The following ASPH variants were observed in gnomAD, a reference collection of about 807,000 sequenced individuals.
The protein encoded by ASPH is aspartyl/asparaginyl beta-hydroxylase.
In ASPH, 100 loss-of-function variants were observed where a neutral mutation model predicts 118.4. The observed-to-expected ratio is 0.84, with a 90% confidence interval of 0.72 to 1.00. ASPH has a LOEUF of 1.00. Ranked by LOEUF, ASPH falls within the 50% of genes least tolerant of loss-of-function variation. The pLI is 0.00. For missense variants in ASPH, 920 were observed against 919.5 expected (o/e 1.00, Z -0.01); for synonymous variants, 315 against 325.6 (o/e 0.97, Z 0.35).
At chr8:61,530,121 C>T (rs1427001034) in intron 21 of ASPH, among the ~76,000 whole-genome samples, 1 of 152,160 alleles carries the variant, frequency 6.6e-6, no homozygotes, top group Non-Finnish European at 1.5e-5. Context: ...TAGGAAATTC[C>T]AACAGAAAAC....
intron 20 of ASPH, among the ~76,000 whole-genome samples, chr8:61,549,431 T>G (rs909358763): frequency 2.0e-5 from 3 of 152,214 alleles, no homozygotes; most frequent in East Asian, 1.9e-4. Context: ...CTTATTCTAC[T>G]CTCCTCCTAT....
chr8:61,615,892 A>G (rs1452404008), intron 14 of ASPH, among the ~76,000 whole-genome samples: 1 of 152,166 alleles, frequency 6.6e-6, no homozygotes, highest in Non-Finnish European at 1.5e-5. Flanking sequence ...TAATGTTTAC[A>G]TAATGTTTCC....
intron 21 of ASPH, among the ~76,000 whole-genome samples, chr8:61,545,910 G>T (rs1348523416): frequency 1.3e-5 from 2 of 152,172 alleles, no homozygotes; most frequent in African/African-American, 2.4e-5. Context: ...AAGACTGAAA[G>T]GAAAGATTAC....
chr8:61,575,446 C>T (rs1029733042), intron 16 of ASPH, among the ~76,000 whole-genome samples: 1 of 152,062 alleles, frequency 6.6e-6, no homozygotes, highest in Non-Finnish European at 1.5e-5. Context: ...AGCACTTAGC[C>T]CTAGAAAGCA....
chr8:61,664,245 T>C (rs2151325161), intron 3 of ASPH: 1 of 969,056 alleles, frequency 1.0e-6, no homozygotes, highest in Non-Finnish European at 1.2e-6. Context: ...AGTGAAGAGA[T>C]TACATTTGCA....
chr8:61,647,857 TTG>T (rs1218903087), intron 5 of ASPH, among the ~76,000 whole-genome samples: 1 of 152,212 alleles, frequency 6.6e-6, no homozygotes, highest in African/African-American at 2.4e-5. Context: ...TCTGCTTCTT[TTG>T]TGTAGAGGTT....
chr8:61,683,931 A>C, intron 2 of ASPH, 108 bp downstream of exon 2: 1 of 1,295,886 alleles, frequency 7.7e-7, no homozygotes, highest in Non-Finnish European at 1.1e-6. Context: ...AACCACTGAA[A>C]GGCTATAGAA....
chr8:61,567,335 G>A lies in ASPH; in HGVS notation c.1150-17C>T, dbSNP rs1460085905. On this transcript the variant is annotated splice_polypyrimidine_tract_variant and intron_variant, in intron 16 of 24. Coordinates refer to ENST00000379454, the MANE Select transcript of ASPH (RefSeq NM_004318.4). ...ATCCTCACACTAGAAGAAGTCCCCA[G>A]ACTGGATAAATGTCCCATGACTAGC... The A allele has an allele frequency of 6.2e-7, 1 of 1,605,794 alleles. No homozygotes were observed. The highest frequency in any genetic ancestry group is 1.3e-5 in the African/African-American group (1 of 74,666).
chr8:61,673,097 C>T (rs905355689), intron 3 of ASPH, among the ~76,000 whole-genome samples: 4 of 152,162 alleles, frequency 2.6e-5, no homozygotes, highest in Non-Finnish European at 5.9e-5. Context: ...AGAAAATAGT[C>T]CCTCTTTCAT....
chr8:61,661,809 ATTAAC>A (rs1043628849), intron 3 of ASPH: 10 of 381,716 alleles, frequency 2.6e-5, no homozygotes, highest in Non-Finnish European at 3.3e-5. Flanking sequence ...CACCTACAGA[ATTAAC>A]TTAAGTAGTC....
intron 1 of ASPH, among the ~76,000 whole-genome samples, chr8:61,713,610 C>T (rs1440253692): frequency 6.6e-6 from 1 of 151,968 alleles, no homozygotes; most frequent in East Asian, 1.9e-4. Context: ...TGCACACGGA[C>T]GAGGAGAAAG....
chr8:61,681,209 C>T (rs1219401463), intron 2 of ASPH, among the ~76,000 whole-genome samples, 173 bp from the exon 3 acceptor site: 9 of 151,640 alleles, frequency 5.9e-5, no homozygotes, highest in Admixed American at 5.9e-4. Context: ...CTAAAAATAG[C>T]GAGCAATTCA....
chr8:61,565,995 A>G (rs547964313), intron 17 of ASPH, among the ~76,000 whole-genome samples: 79 of 152,168 alleles, frequency 5.2e-4, no homozygotes, highest in Non-Finnish European at 9.3e-4. Flanking sequence ...TTGAGTCCTT[A>G]AAAAAGATTC....
intron 13 of ASPH, among the ~76,000 whole-genome samples, chr8:61,631,323 T>C (rs1173545734): frequency 4.6e-5 from 7 of 152,204 alleles, no homozygotes; most frequent in Non-Finnish European, 1.0e-4. Flanking sequence ...GCTGATTCAC[T>C]CAGAGCAAAT....
At chr8:61,521,373 C>A (rs1229558991) in intron 22 of ASPH, among the ~76,000 whole-genome samples, 1 of 150,428 alleles carries the variant, frequency 6.6e-6, no homozygotes, top group Non-Finnish European at 1.5e-5. Context: ...CCAAGTCTTT[C>A]ATCTAGTGCT....
At chr8:61,624,648 A>G (rs1852089998) in intron 13 of ASPH, 1 of 985,318 alleles carries the variant, frequency 1.0e-6, no homozygotes. Flanking sequence ...GACAAGGCTC[A>G]TTAATTCAGA....
rs145846938 is a variant in ASPH at position 61,614,430 on chromosome 8, A to C, written c.976+4548T>G. On this transcript the variant is annotated intron_variant, in intron 14 of 24. Coordinates refer to ENST00000379454, the MANE Select transcript of ASPH (RefSeq NM_004318.4). Reference sequence around the variant, plus strand: ...TTTGATAATATACTAAATCAAGAACATATTGCACATTTTTGTGTTCAGTGA... The same window carrying C: ...TTTGATAATATACTAAATCAAGAACCTATTGCACATTTTTGTGTTCAGTGA... Among the ~76,000 whole-genome samples the C allele has an allele frequency of 8.5e-5, 13 of 152,350 alleles. No individual in the cohort carries two copies. In the East Asian group the frequency reaches 2.5e-3, roughly 29 times the overall value.
At chr8:61,583,870 T>C (rs1838409183) in intron 15 of ASPH, 74 bp downstream of exon 15, 4 of 1,102,182 alleles carry the variant, frequency 3.6e-6, no homozygotes, top group Non-Finnish European at 5.3e-6. Flanking sequence ...CTATTTTTTT[T>C]TTTTTTAACA....
chr8:61,511,958 C>G (rs1809021965), intron 24 of ASPH, among the ~76,000 whole-genome samples: 1 of 152,150 alleles, frequency 6.6e-6, no homozygotes, highest in African/African-American at 2.4e-5. Flanking sequence ...GTGACATGAA[C>G]AGAAGGCCCA....
Sources: allele counts gnomAD v4.1 joint callset (sites outside exome capture counted in the v4.1 genomes callset), GRCh38; gene constraint gnomAD v4.1.1; transcripts MANE v1.5; gene names NCBI Gene and HGNC (gene_info 2026-07-23, HGNC 2026-07-21).